Variants in TRPC7 observed in about 807,000 individuals in gnomAD.
TRPC7 encodes transient receptor potential cation channel subfamily C member 7, also known as short transient receptor potential channel 7.
A neutral mutation model predicts 90.1 loss-of-function variants in TRPC7; 42 were observed. The ratio of observed to expected loss-of-function variants is 0.47; its 90% CI spans 0.36 to 0.60. TRPC7 has a LOEUF of 0.60. Among genes scored for constraint, TRPC7 ranks in the 20% least tolerant of loss-of-function variants. The pLI, the probability that TRPC7 is intolerant of heterozygous loss-of-function variation, is 0.00. For missense variants in TRPC7, 955 were observed against 1,112.3 expected, an observed-to-expected ratio of 0.86 and a Z score of 2.01; for synonymous variants, 451 against 436.3, an observed-to-expected ratio of 1.03 and a Z score of -0.42.
chr5:136,338,411 C>T (rs987528421), intron 2 of TRPC7, among the ~76,000 whole-genome samples: 2 of 152,192 alleles, frequency 1.3e-5, no homozygotes, highest in African/African-American at 2.4e-5. Flanking sequence ...TTGTATCTCA[C>T]CTCTCCAGAG....
chr5:136,305,817 G>A (rs936137224), intron 3 of TRPC7, among the ~76,000 whole-genome samples: 2 of 152,062 alleles, frequency 1.3e-5, no homozygotes, highest in African/African-American at 4.8e-5. Flanking sequence ...AAGAAATGTA[G>A]AACAGACTAA....
intron 3 of TRPC7, among the ~76,000 whole-genome samples, chr5:136,307,099 A>T (rs561122020): frequency 1.4e-4 from 21 of 152,338 alleles, no homozygotes; most frequent in African/African-American, 4.6e-4. Context: ...AAATCAAATT[A>T]ATTAACATAT....
At chr5:136,219,714 C>T (rs983068620) in intron 10 of TRPC7, among the ~76,000 whole-genome samples, 8 of 152,116 alleles carry the variant, frequency 5.3e-5, no homozygotes, top group Non-Finnish European at 1.0e-4. Flanking sequence ...TGCAGTGAGC[C>T]GAGATGGTGC....
At chr5:136,319,218 T>A (rs1759116658) in intron 2 of TRPC7, among the ~76,000 whole-genome samples, 1 of 152,150 alleles carries the variant, frequency 6.6e-6, no homozygotes, top group Non-Finnish European at 1.5e-5. Flanking sequence ...GAAATAGAAG[T>A]CATCAGAAGA....
chr5:136,258,720 T>C (rs1267027430), intron 5 of TRPC7, among the ~76,000 whole-genome samples: 1 of 152,226 alleles, frequency 6.6e-6, no homozygotes, highest in Non-Finnish European at 1.5e-5. Flanking sequence ...TTCACTCCTA[T>C]CCCTGCCTCA....
chr5:136,274,961 G>A (rs569431907), intron 3 of TRPC7, 124 bp from the exon 4 acceptor site: 1 of 1,101,116 alleles, frequency 9.1e-7, no homozygotes, highest in African/African-American at 1.6e-5. Flanking sequence ...GGTGGTTGAG[G>A]AACCTGCAGT....
chr5:136,245,922 G>A (rs1756321072), intron 7 of TRPC7, among the ~76,000 whole-genome samples: 1 of 152,094 alleles, frequency 6.6e-6, no homozygotes, highest in Non-Finnish European at 1.5e-5. Flanking sequence ...ATATGCCTGT[G>A]TCAGGAAGTA....
intron 8 of TRPC7, among the ~76,000 whole-genome samples, chr5:136,230,616 T>G (rs1404391969): frequency 6.6e-6 from 1 of 152,248 alleles, no homozygotes; most frequent in African/African-American, 2.4e-5. Context: ...GTCTATTTAA[T>G]TAGATTCCTA....
Position 136,365,299 on chromosome 5 carries a change from A to T in TRPC7, c.-45T>A. The T allele has an allele frequency of 5.2e-6, 8 of 1,536,746 alleles. No individual in the cohort carries two copies. The highest frequency in any genetic ancestry group is 7.0e-6 in the Non-Finnish European group (8 of 1,146,506). The stretch of plus-strand genomic sequence containing the variant: ...CTTGTTCCTCCTCTAGATGACCGGA[A>T]TCCGGTGTTGAGTCGCCAGAAGCTG... On this transcript the variant is annotated 5_prime_UTR_variant, in exon 1 of 12. Coordinates refer to ENST00000513104, the MANE Select transcript of TRPC7 (RefSeq NM_020389.3).
At chr5:136,222,936 A>G (rs1267745435) in intron 10 of TRPC7, among the ~76,000 whole-genome samples, 2 of 152,224 alleles carry the variant, frequency 1.3e-5, no homozygotes, top group Non-Finnish European at 2.9e-5. Flanking sequence ...TCCAGCCTGC[A>G]TCCAGGTATC....
intron 5 of TRPC7, among the ~76,000 whole-genome samples, chr5:136,252,937 T>C (rs917652918): frequency 6.6e-6 from 1 of 152,210 alleles, no homozygotes; most frequent in African/African-American, 2.4e-5. Flanking sequence ...CCTGAGCTAA[T>C]AGTTGATGAG....
intron 1 of TRPC7, among the ~76,000 whole-genome samples, chr5:136,358,444 G>A (rs769494135): frequency 6.6e-6 from 1 of 152,158 alleles, no homozygotes; most frequent in African/African-American, 2.4e-5. Context: ...TGTGAGGAAG[G>A]TGCTATTATT....
At chr5:136,346,488 C>T (rs183896829) in intron 2 of TRPC7, among the ~76,000 whole-genome samples, 49 of 152,142 alleles carry the variant, frequency 3.2e-4, no homozygotes, top group African/African-American at 1.0e-3. Flanking sequence ...ACCATGAGTG[C>T]GCACACACAC....
At chr5:136,223,982 C>T (rs1483295117) in intron 10 of TRPC7, among the ~76,000 whole-genome samples, 1 of 152,212 alleles carries the variant, frequency 6.6e-6, no homozygotes, top group Non-Finnish European at 1.5e-5. Flanking sequence ...GAACTATAAG[C>T]TCTTTGAGGG....
chr5:136,316,017 C>T, intron 2 of TRPC7: 1 of 513,736 alleles, frequency 1.9e-6, no homozygotes, highest in East Asian at 3.2e-5. Flanking sequence ...GTCCATGGGC[C>T]ACCTGCATCA....
intron 3 of TRPC7, among the ~76,000 whole-genome samples, chr5:136,292,052 T>C (rs942890902): frequency 2.6e-5 from 4 of 152,080 alleles, no homozygotes; most frequent in Admixed American, 2.6e-4. Context: ...ACTGGGTACA[T>C]AACGAAATGA....
intron 2 of TRPC7, among the ~76,000 whole-genome samples, chr5:136,341,268 A>G (rs879679694): frequency 9.2e-5 from 14 of 152,152 alleles, no homozygotes; most frequent in African/African-American, 1.4e-4. Context: ...CAGTGCATCT[A>G]TCTTGTGGAA....
intron 1 of TRPC7, 73 bp downstream of exon 1, chr5:136,365,180 T>C: frequency 6.7e-7 from 1 of 1,483,278 alleles, no homozygotes; most frequent in Non-Finnish European, 9.1e-7. Context: ...AAAGTTCAAT[T>C]ACATATTTTA....
intron 8 of TRPC7, 150 bp from the exon 9 acceptor site, chr5:136,226,405 G>A: frequency 1.6e-6 from 1 of 631,556 alleles, no homozygotes; most frequent in Non-Finnish European, 2.8e-6. Context: ...GCACAGAGAA[G>A]GGGAGTTTGC....
Sources: gnomAD v4.1 joint callset for allele counts (sites outside exome capture counted in the v4.1 genomes callset) on GRCh38, gnomAD v4.1.1 for gene constraint, MANE v1.5 for transcripts, NCBI Gene and HGNC (gene_info 2026-07-23, HGNC 2026-07-21) for gene names.